Variants in STK4 observed in about 807,000 individuals in gnomAD.
STK4 encodes the protein serine/threonine kinase 4.
Under a neutral mutation model 64.9 loss-of-function variants are expected in STK4, and 30 were observed. That is an observed-to-expected ratio of 0.46 (90% CI 0.35 to 0.63). STK4 has a LOEUF of 0.63. STK4 is among the 20% of genes least tolerant of loss of function. The pLI is 0.01. For missense variants in STK4, 466 were observed against 598.5 expected, an observed-to-expected ratio of 0.78 and a Z score of 2.31; for synonymous variants, 177 against 199.0, an observed-to-expected ratio of 0.89 and a Z score of 0.93.
At chr20:44,975,255 A>G (rs777309199) in intron 2 of STK4, 193 of 536,584 alleles carry the variant, frequency 3.6e-4, no homozygotes, top group Non-Finnish European at 4.3e-4. Context: ...TAGGGAATCA[A>G]GTTTTAAGGG....
At chr20:45,011,727 ATATTTTTTTTT>A (rs1451167818) in intron 9 of STK4, among the ~76,000 whole-genome samples, 18 of 107,350 alleles carry the variant, frequency 1.7e-4, no homozygotes, top group African/African-American at 5.3e-4. Context: ...ATATATATAT[ATATTTTTTTTT>A]TTTTTTTTAA....
chr20:44,967,874 G>A (rs1206607053), intron 1 of STK4, among the ~76,000 whole-genome samples: 1 of 152,156 alleles, frequency 6.6e-6, no homozygotes, highest in African/African-American at 2.4e-5. Flanking sequence ...TGCACTTACC[G>A]GGTGCCAGGC....
chr20:45,063,830 C>T (rs536186472), intron 10 of STK4, among the ~76,000 whole-genome samples: 31 of 151,648 alleles, frequency 2.0e-4, no homozygotes, highest in Non-Finnish European at 3.8e-4. Flanking sequence ...ATTTTTGAGA[C>T]GGAGTCTCGC....
At chr20:45,030,508 A>G (rs1480079274) in intron 10 of STK4, among the ~76,000 whole-genome samples, 3 of 152,214 alleles carry the variant, frequency 2.0e-5, no homozygotes, top group Non-Finnish European at 2.9e-5. Context: ...CTGCTTTCCA[A>G]TGACCTTTTT....
intron 6 of STK4, among the ~76,000 whole-genome samples, chr20:44,996,200 C>A (rs537635440): frequency 1.3e-5 from 2 of 152,224 alleles, no homozygotes; most frequent in South Asian, 2.1e-4. Flanking sequence ...TACTCTCCAA[C>A]CCCTGTCTCC....
intron 9 of STK4, among the ~76,000 whole-genome samples, chr20:45,023,327 A>C (rs1321831463): frequency 6.6e-6 from 1 of 152,218 alleles, no homozygotes; most frequent in African/African-American, 2.4e-5. Context: ...GATAGTGAGA[A>C]AAATGACAAA....
At chr20:45,036,349 G>T (rs1073256) in intron 10 of STK4, among the ~76,000 whole-genome samples, 1 of 151,988 alleles carries the variant, frequency 6.6e-6, no homozygotes, top group South Asian at 2.1e-4. Context: ...GCATCATCCC[G>T]CCTGGGACAT....
At chr20:44,980,867 A>G (rs2067425532) in intron 3 of STK4, among the ~76,000 whole-genome samples, 1 of 151,878 alleles carries the variant, frequency 6.6e-6, no homozygotes, top group Non-Finnish European at 1.5e-5. Flanking sequence ...ACGGGGTTTC[A>G]CCATGTTAGC....
intron 10 of STK4, among the ~76,000 whole-genome samples, chr20:45,046,893 GCTGGTCTTGAACT>G (rs1191674705): frequency 6.6e-6 from 1 of 151,992 alleles, no homozygotes; most frequent in Non-Finnish European, 1.5e-5. Flanking sequence ...TGTTGGCCAG[GCTGGTCTTGAACT>G]CCTGACCTCG....
At chr20:45,015,173 G>A (rs1156465598) in intron 9 of STK4, among the ~76,000 whole-genome samples, 1 of 152,186 alleles carries the variant, frequency 6.6e-6, no homozygotes, top group Admixed American at 6.5e-5. Flanking sequence ...GTTTCCTCAT[G>A]TTGAAATCAG....
intron 4 of STK4, 125 bp downstream of exon 4, chr20:44,982,068 AT>A: frequency 3.2e-6 from 1 of 309,742 alleles, no homozygotes; most frequent in Non-Finnish European, 5.7e-6. Flanking sequence ...TTCCATGGTT[AT>A]TTTCCATCTT....
At chr20:45,038,320 A>AAATTAT (rs11473094) in intron 10 of STK4, among the ~76,000 whole-genome samples, 71,602 of 151,272 alleles carry the variant, frequency 0.47, 17,402 homozygotes, top group Middle Eastern at 0.55. Context: ...GACCTTTTAA[A>AAATTAT]AATTATAATA....
chr20:45,038,421 A>G (rs2068560975), intron 10 of STK4, among the ~76,000 whole-genome samples: 1 of 152,050 alleles, frequency 6.6e-6, no homozygotes, highest in Non-Finnish European at 1.5e-5. Flanking sequence ...ATTTATATAT[A>G]TTTTTTAGCT....
intron 9 of STK4, among the ~76,000 whole-genome samples, chr20:45,015,428 C>A (rs1324816388): frequency 6.6e-6 from 1 of 152,206 alleles, no homozygotes; most frequent in Non-Finnish European, 1.5e-5. Context: ...TTTAACACTT[C>A]TTTTACCACG....
chr20:44,998,283 A>G (rs1453634495), intron 7 of STK4, among the ~76,000 whole-genome samples: 2 of 152,162 alleles, frequency 1.3e-5, no homozygotes, highest in African/African-American at 2.4e-5. Context: ...CCAATTTACT[A>G]GCTTTGTGAT....
chr20:45,067,596 C>T (rs774222966), intron 10 of STK4, among the ~76,000 whole-genome samples: 2 of 152,166 alleles, frequency 1.3e-5, no homozygotes, highest in Admixed American at 6.5e-5. Context: ...TATACATTCT[C>T]ATGTGTTTAG....
At chr20:44,978,857 G>A (rs550203139) in intron 3 of STK4, among the ~76,000 whole-genome samples, 79 of 149,264 alleles carry the variant, frequency 5.3e-4, no homozygotes, top group African/African-American at 1.9e-3. Flanking sequence ...GGGGTGCAGT[G>A]GTGCAATCTC....
intron 9 of STK4, among the ~76,000 whole-genome samples, chr20:45,012,483 A>G (rs1488410429): frequency 6.6e-6 from 1 of 152,288 alleles, no homozygotes; most frequent in South Asian, 2.1e-4. Context: ...TTATCTTTCA[A>G]TCTGTTTGGT....
chr20:45,048,683 T>C (rs1600535747), intron 10 of STK4, among the ~76,000 whole-genome samples: 1 of 152,174 alleles, frequency 6.6e-6, no homozygotes, highest in Non-Finnish European at 1.5e-5. Flanking sequence ...GGTTTCACCA[T>C]GTTGGCCAGG....
Sources: gnomAD v4.1 joint callset for allele counts (sites outside exome capture counted in the v4.1 genomes callset) on GRCh38, gnomAD v4.1.1 for gene constraint, MANE v1.5 for transcripts, NCBI Gene and HGNC (gene_info 2026-07-23, HGNC 2026-07-21) for gene names.